The following CHMP7 variants were observed in gnomAD, a reference collection of about 807,000 sequenced individuals.
CHMP7 encodes the protein charged multivesicular body protein 7, also known as CHMP family, member 7.
CHMP7 carries 15 observed loss-of-function variants against 53.7 expected under a neutral mutation model. The observed-to-expected ratio is 0.28, with a 90% CI of 0.19 to 0.43. The LOEUF (loss-of-function observed/expected upper bound fraction) is 0.43, where lower values mean the gene tolerates loss of function less well. Ranked by LOEUF, CHMP7 falls within the 20% of genes least tolerant of loss-of-function variation. CHMP7 has a pLI of 1.00. For synonymous variants in CHMP7, 261 were observed against 228.0 expected (o/e 1.14, Z -1.30); for missense variants, 527 against 569.4 (o/e 0.93, Z 0.76).
At chr8:23,248,404 T>C (rs1801794661) in intron 2 of CHMP7, among the ~76,000 whole-genome samples, 1 of 152,204 alleles carries the variant, frequency 6.6e-6, no homozygotes, top group African/African-American at 2.4e-5. Context: ...CGACGTGGCA[T>C]AGTATTAGTA....
chr8:23,256,322 G>T, intron 4 of CHMP7, 138 bp from the exon 5 acceptor site: 1 of 686,778 alleles, frequency 1.5e-6, no homozygotes, highest in Non-Finnish European at 2.7e-6. Context: ...GACCTCCACA[G>T]GGGATTCCAT....
At chr8:23,255,497 G>A (rs2128859075) in intron 4 of CHMP7, 65 bp downstream of exon 4, 1 of 1,495,818 alleles carries the variant, frequency 6.7e-7, no homozygotes. Flanking sequence ...AGAGTAGTGA[G>A]CCCTTATCTC....
At chr8:23,250,252 C>G (rs1460468722) in intron 3 of CHMP7, among the ~76,000 whole-genome samples, 1 of 152,162 alleles carries the variant, frequency 6.6e-6, no homozygotes, top group Admixed American at 6.5e-5. Context: ...CTACAGTTTT[C>G]TGTCCTCTTA....
intron 3 of CHMP7, among the ~76,000 whole-genome samples, chr8:23,253,982 T>C (rs770400057): frequency 6.6e-6 from 1 of 152,194 alleles, no homozygotes; most frequent in Non-Finnish European, 1.5e-5. Context: ...TAAAGGATCA[T>C]CATAAGATAT....
At position 23,246,803 on chromosome 8, in the gene CHMP7, C is replaced by G. The variant is rs765533796; in HGVS notation, c.108C>G (p.Ser36=). 71 of 1,592,192 alleles carry G rather than the reference C, an allele frequency of 4.5e-5. No homozygotes were observed. In the South Asian group the frequency reaches 7.0e-4, roughly 16 times the overall value. The change falls in exon 2 of 11, where the codon TCC becomes TCG. Residue 36 remains serine (S), a synonymous_variant. Transcript: ENST00000397677. ...EDEERMSFLF[S]AFKRSREVNS... ...AGGAGCGCATGTCCTTCCTGTTCTC[C>G]GCTTTCAAGAGGAGTCGCGAGGTGA...
chr8:23,258,773 C>T lies in CHMP7; in HGVS notation c.1002C>T (p.Leu334=), dbSNP rs1301132789. ...AGGCTGGGGTAGGAGCACTCAAACT[C>T]TCCATGAAGGATGTCACAGTGGAGA... ...AYQAGVGALK[L]SMKDVTVEKA... is the part of the protein sequence containing the mutation. Residue 334 remains leucine (L), a synonymous_variant, in exon 8 of 11, where the codon CTC becomes CTT. Transcript: ENST00000397677. 1.9e-6 allele frequency: 3 copies of T among 1,613,784 alleles called. No individual in the cohort carries two copies. The highest frequency in any genetic ancestry group is 2.5e-6 in the Non-Finnish European group (3 of 1,179,878).
Position 23,256,485 on chromosome 8 carries a change from G to A in CHMP7, c.683G>A (p.Arg228His), listed in dbSNP as rs544518998. 54 of 1,606,746 alleles carry A rather than the reference G, an allele frequency of 3.4e-5. No individual in the cohort carries two copies. Among genetic ancestry groups the A allele is most frequent in the African/African-American group, 8.0e-5 (6 of 74,874 alleles). Residue 228 changes from arginine (R) to histidine (H), a missense_variant, in exon 5 of 11, where the codon CGT becomes CAT. Transcript: ENST00000397677. ...EKIVKFARGPRAKVSPVNDVD... is the reference protein window; with the variant it reads ...EKIVKFARGPHAKVSPVNDVD... ...ATTGTGAAGTTTGCCCGAGGGCCACGTGCCAAGGTCTCTCCAGTCAATGAC... is the reference window on the plus strand; with the variant it reads ...ATTGTGAAGTTTGCCCGAGGGCCACATGCCAAGGTCTCTCCAGTCAATGAC...
rs1352861126 is a variant in CHMP7 at position 23,261,699 on chromosome 8, G to C, written c.*1100G>C. Reference sequence around the variant, plus strand: ...TTGAGGGACTGGGGGACTTGGGGTAGGGGGACAGACGGGAAAGGGTCTGAA... The same window carrying C: ...TTGAGGGACTGGGGGACTTGGGGTACGGGGACAGACGGGAAAGGGTCTGAA... On this transcript the variant is annotated 3_prime_UTR_variant, in exon 11 of 11. Coordinates refer to ENST00000397677, the MANE Select transcript of CHMP7 (RefSeq NM_152272.5). 1 of 152,646 alleles carries C rather than the reference G, an allele frequency of 6.6e-6. No individual in the cohort carries two copies. 9.5% of individuals were successfully genotyped at this position (152,646 alleles called of 1,614,324 possible). A position where few individuals can be genotyped will look rare whatever the true frequency, so the allele number is the denominator to read the frequency against.
At chr8:23,247,077 C>G in intron 2 of CHMP7, 83 bp downstream of exon 2, 2 of 1,314,052 alleles carry the variant, frequency 1.5e-6, no homozygotes, top group Non-Finnish European at 1.0e-6. Context: ...GTTCTCTGCA[C>G]AGCGCACTGC....
intron 4 of CHMP7, among the ~76,000 whole-genome samples, chr8:23,255,916 G>A (rs1226342749): frequency 1.3e-5 from 2 of 151,804 alleles, no homozygotes; most frequent in East Asian, 3.9e-4. Flanking sequence ...CATGCGCCAC[G>A]GCCCCTGGCT....
intron 1 of CHMP7, among the ~76,000 whole-genome samples, chr8:23,245,489 A>G (rs1801653881): frequency 1.3e-5 from 2 of 152,232 alleles, no homozygotes; most frequent in South Asian, 2.1e-4. Context: ...AACCTGGTGT[A>G]CAATTCTTTT....
intron 3 of CHMP7, 116 bp from the exon 4 acceptor site, chr8:23,255,131 G>A (rs1802071745): frequency 5.0e-6 from 5 of 1,003,798 alleles, no homozygotes; most frequent in Non-Finnish European, 7.6e-6. Flanking sequence ...GGGAGGATGG[G>A]GTTGGGATTC....
chr8:23,244,281 T>C (rs1220203728), intron 1 of CHMP7, among the ~76,000 whole-genome samples: 1 of 152,246 alleles, frequency 6.6e-6, no homozygotes, highest in East Asian at 1.9e-4. Flanking sequence ...TTTGTGTTTT[T>C]ACATTTAAGT....
chr8:23,257,449 TTA>T (rs1483079811), intron 5 of CHMP7, among the ~76,000 whole-genome samples: 1 of 152,200 alleles, frequency 6.6e-6, no homozygotes, highest in Non-Finnish European at 1.5e-5. Flanking sequence ...AATGTTATGT[TTA>T]TGCTCTTCCT....
At chr8:23,249,019 A>G (rs1188700463) in intron 2 of CHMP7, among the ~76,000 whole-genome samples, 191 bp from the exon 3 acceptor site, 1 of 152,148 alleles carries the variant, frequency 6.6e-6, no homozygotes, top group Non-Finnish European at 1.5e-5. Flanking sequence ...ACCGCCTCCC[A>G]TGCAGAAGTG....
intron 3 of CHMP7, among the ~76,000 whole-genome samples, chr8:23,253,546 T>A (rs1802010707): frequency 6.6e-6 from 1 of 152,162 alleles, no homozygotes; most frequent in Admixed American, 6.5e-5. Context: ...CTCGGCCTCA[T>A]AAAGTGCTGG....
Position 23,244,359 on chromosome 8 carries a change from G to A in CHMP7, c.-441+515G>A, listed in dbSNP as rs867744584. Among the ~76,000 whole-genome samples the A allele has an allele frequency of 5.9e-5, 9 of 152,200 alleles. No homozygotes were observed. In the South Asian group the frequency reaches 6.2e-4, roughly 11 times the overall value. On this transcript the variant is annotated intron_variant, in intron 1 of 10. Coordinates refer to ENST00000397677, the MANE Select transcript of CHMP7 (RefSeq NM_152272.5). ...TGTACCTGGATTTGTTTTTGTTTTT[G>A]CATGTAGGTGTACAGTTGTTCCAGT...
chr8:23,260,410 G>GCCAGAGTA, intron 10 of CHMP7, 87 bp downstream of exon 10: 1 of 1,554,202 alleles, frequency 6.4e-7, no homozygotes, highest in Non-Finnish European at 8.9e-7. Context: ...TACTCCATTT[G>GCCAGAGTA]CCAGAGTACC....
chr8:23,245,308 A>C (rs1483078916), intron 1 of CHMP7, among the ~76,000 whole-genome samples: 1 of 152,338 alleles, frequency 6.6e-6, no homozygotes, highest in South Asian at 2.1e-4. Flanking sequence ...GTGTCCCTCT[A>C]TTCCTAGAGT....
Sources: gnomAD v4.1 joint callset for allele counts (sites outside exome capture counted in the v4.1 genomes callset) on GRCh38, gnomAD v4.1.1 for gene constraint, MANE v1.5 for transcripts, NCBI Gene and HGNC (gene_info 2026-07-23, HGNC 2026-07-21) for gene names.